Variants in TKTL1 observed in about 807,000 individuals in gnomAD.
The protein encoded by TKTL1 is transketolase-like protein 1.
Under a neutral mutation model 39.3 loss-of-function variants are expected in TKTL1, and 1 was observed. The observed-to-expected ratio is 0.03, with a 90% CI of 0.01 to 0.12. TKTL1 has a LOEUF of 0.12. Among genes scored for constraint, TKTL1 ranks in the 10% least tolerant of loss-of-function variants. TKTL1 has a pLI of 1.00. For synonymous variants in TKTL1, 262 were observed against 193.8 expected (o/e 1.35, Z -2.92); for missense variants, 575 against 509.6 (o/e 1.13, Z -1.24).
intron 7 of TKTL1, among the ~76,000 whole-genome samples, chrX:154,318,757 G>T (rs1401424432): frequency 9.7e-6 from 1 of 102,941 alleles, no homozygotes; most frequent in Admixed American, 1.0e-4. Context: ...ACAACATAGT[G>T]AGACCTGGTC....
At chrX:154,308,269 A>G (rs1201154763) in intron 2 of TKTL1, among the ~76,000 whole-genome samples, 2 of 111,892 alleles carry the variant, frequency 1.8e-5, no homozygotes, top group Non-Finnish European at 3.8e-5. Context: ...AGCTGTGCCC[A>G]CATCCACGCA....
At chrX:154,327,436 C>G in intron 10 of TKTL1, 155 bp from the exon 11 acceptor site, 2 of 581,594 alleles carry the variant, frequency 3.4e-6, no homozygotes. Flanking sequence ...AGTATGTGTC[C>G]TGGCTTGTAA....
chrX:154,312,576 A>G lies in TKTL1; in HGVS notation c.671-4A>G. 1 of 1,203,489 alleles carries G rather than the reference A, an allele frequency of 8.3e-7. No individual in the cohort carries two copies. Among genetic ancestry groups the G allele is most frequent in the Non-Finnish European group, 1.1e-6 (1 of 890,475 alleles). ...ATGGATGTCTTTTGTTTGTTTCATT[A>G]CAGGTATTGAGGATGCAGAAAGTTG... is the stretch of plus-strand genomic sequence containing the variant. On this transcript the variant is annotated splice_polypyrimidine_tract_variant and splice_region_variant and intron_variant, in intron 5 of 12. Transcript: ENST00000369915.
At chrX:154,315,039 T>G in intron 6 of TKTL1, 134 bp from the exon 7 acceptor site, 1 of 685,534 alleles carries the variant, frequency 1.5e-6, no homozygotes, top group Admixed American at 3.5e-5. Flanking sequence ...AGGAAATTTT[T>G]GGTGAGTCAC....
rs782501871 is a variant in TKTL1 at position 154,323,755 on chromosome X, G to GA, written c.1317+419dup. Among the ~76,000 whole-genome samples, 69 of 112,755 alleles carry GA rather than the reference G, an allele frequency of 6.1e-4. No homozygotes were observed. In the East Asian group the frequency reaches 0.018, roughly 29 times the overall value. On this transcript the variant is annotated intron_variant, in intron 9 of 12. Transcript: ENST00000369915. ...GTGTCCTGACATCCAGGAAGCTGGA[G>GA]AGCGGGTGGTAGGCTACCACTACAA...
chrX:154,311,573 T>TA (rs782639848), intron 5 of TKTL1, among the ~76,000 whole-genome samples: 430 of 110,666 alleles, frequency 3.9e-3, no homozygotes, highest in Middle Eastern at 0.019. Flanking sequence ...GTGCAAGAAA[T>TA]AAGAGTGCAT....
chrX:154,323,121 A>C, intron 8 of TKTL1, 86 bp from the exon 9 acceptor site: 5 of 1,130,203 alleles, frequency 4.4e-6, no homozygotes, highest in Non-Finnish European at 5.9e-6. Flanking sequence ...AATAGGAATA[A>C]TTGCTTCTTC....
intron 8 of TKTL1, 30 bp from the exon 9 acceptor site, chrX:154,323,177 C>G (rs376470408): frequency 8.3e-7 from 1 of 1,205,436 alleles, no homozygotes; most frequent in African/African-American, 1.8e-5. Flanking sequence ...GGGTTATGCT[C>G]CTGTTTTCAT....
At chrX:154,319,009 A>G (rs1265052168) in intron 7 of TKTL1, among the ~76,000 whole-genome samples, 1 of 111,236 alleles carries the variant, frequency 9.0e-6, no homozygotes, top group Non-Finnish European at 1.9e-5. Context: ...CTGGACTGAG[A>G]TAGAATTTTG....
At chrX:154,327,451 A>G (rs2067501408) in intron 10 of TKTL1, 140 bp from the exon 11 acceptor site, 1 of 594,787 alleles carries the variant, frequency 1.7e-6, no homozygotes, top group Admixed American at 2.2e-5. Flanking sequence ...TTGTAAATGC[A>G]TCTGATTTTT....
At chrX:154,328,546 A>C (rs1299414220) in intron 12 of TKTL1, among the ~76,000 whole-genome samples, 1 of 11,467 alleles carries the variant, frequency 8.7e-5, no homozygotes, top group Non-Finnish European at 1.2e-4. Flanking sequence ...ACTCTGCCTC[A>C]AAAAAAAAAA....
intron 1 of TKTL1, among the ~76,000 whole-genome samples, chrX:154,298,205 T>G (rs1412387610): frequency 3.6e-5 from 4 of 111,039 alleles, no homozygotes; most frequent in African/African-American, 1.3e-4. Context: ...ATGACTCCAC[T>G]TTAACTTGAT....
chrX:154,305,194 C>A (rs1488400203), intron 1 of TKTL1, 110 bp from the exon 2 acceptor site: 13 of 1,174,956 alleles, frequency 1.1e-5, no homozygotes, highest in Middle Eastern at 5.2e-4. Flanking sequence ...TGGTTGGATT[C>A]TTCCCGGGCT....
At position 154,318,983 on chromosome X, in the gene TKTL1, C is replaced by T. The variant is rs139043270; in HGVS notation, c.1030-1774C>T. On this transcript the variant is annotated intron_variant, in intron 7 of 12. Coordinates refer to ENST00000369915, the MANE Select transcript of TKTL1 (RefSeq NM_012253.4). The stretch of plus-strand genomic sequence containing the variant: ...AAAAATTATAATATAGGCTTCTGAG[C>T]ATTAGGTTTTTTTTTCTGGACTGAG... 5.9e-3 allele frequency among the ~76,000 whole-genome samples: 655 copies of T among 110,812 alleles called. 5 individuals are homozygous for T. Among genetic ancestry groups the T allele is most frequent in the Non-Finnish European group, 8.1e-3 (430 of 52,909 alleles).
At chrX:154,302,893 CAAGACG>C (rs1175468162) in intron 1 of TKTL1, among the ~76,000 whole-genome samples, 1 of 110,791 alleles carries the variant, frequency 9.0e-6, no homozygotes, top group Non-Finnish European at 1.9e-5. Flanking sequence ...GACCCAGCTG[CAAGACG>C]AAGAACACCT....
intron 9 of TKTL1, among the ~76,000 whole-genome samples, chrX:154,324,327 CAG>C (rs1406832414): frequency 3.6e-5 from 4 of 111,542 alleles, no homozygotes; most frequent in East Asian, 2.8e-4. Flanking sequence ...TGGGGAGAGA[CAG>C]GGTTTCGCCA....
At chrX:154,323,359 T>C (rs2067467248) in intron 9 of TKTL1, 22 bp downstream of exon 9, 1 of 1,208,953 alleles carries the variant, frequency 8.3e-7, no homozygotes, top group Non-Finnish European at 1.1e-6. Context: ...GGGACACTAG[T>C]TTCAGACAGA....
At chrX:154,315,374 A>G in intron 7 of TKTL1, 37 bp downstream of exon 7, 1 of 1,142,855 alleles carries the variant, frequency 8.8e-7, no homozygotes, top group Non-Finnish European at 1.2e-6. Context: ...TCTTAGAATC[A>G]ATGGCCCACT....
In TKTL1 at chrX:154,330,073, T is replaced by G. The variant is rs1180754615; in HGVS notation, c.*385T>G. The G allele has an allele frequency of 7.9e-6, 1 of 126,986 alleles. No homozygotes were observed. 10.5% of individuals were successfully genotyped at this position (126,986 alleles called of 1,213,427 possible). A position where few individuals can be genotyped will look rare whatever the true frequency, so the allele number is the denominator to read the frequency against. ...TTTTTCAATGTATTTCCTTCATGAG[T>G]AAAGAAAATGTGGATTGAAGTATAG... On this transcript the variant is annotated 3_prime_UTR_variant, in exon 13 of 13. Transcript: ENST00000369915.
Sources: gnomAD v4.1 joint callset for allele counts (sites outside exome capture counted in the v4.1 genomes callset) on GRCh38, gnomAD v4.1.1 for gene constraint, MANE v1.5 for transcripts, NCBI Gene and HGNC (gene_info 2026-07-23, HGNC 2026-07-21) for gene names.